Variants in SLC15A1 observed in about 807,000 individuals in gnomAD.
SLC15A1 encodes the protein Caco-2 oligopeptide transporter.
In SLC15A1, 83 loss-of-function variants were observed where a neutral mutation model predicts 92.9. The ratio of observed to expected loss-of-function variants is 0.89; its 90% confidence interval spans 0.75 to 1.07. The LOEUF (loss-of-function observed/expected upper bound fraction) is 1.07. Ranked by LOEUF, SLC15A1 falls within the 50% of genes least tolerant of loss-of-function variation. SLC15A1 has a pLI of 0.00. For synonymous variants in SLC15A1, 322 were observed against 318.2 expected (o/e 1.01, Z -0.13); for missense variants, 857 against 880.1 (o/e 0.97, Z 0.33).
intron 4 of SLC15A1, 92 bp downstream of exon 4, chr13:98,726,031 G>T: frequency 2.0e-6 from 3 of 1,479,980 alleles, no homozygotes; most frequent in Non-Finnish European, 2.7e-6. Flanking sequence ...TCTGTTCTTT[G>T]ATTCATCATT....
intron 19 of SLC15A1, 51 bp from the exon 20 acceptor site, chr13:98,688,407 C>G (rs771690657): frequency 2.5e-6 from 4 of 1,602,920 alleles, no homozygotes; most frequent in Non-Finnish European, 2.6e-6. Context: ...TTAAAAATTT[C>G]AATGCATTTT....
rs763037549 is a variant in SLC15A1, at chr13:98,704,387, T to C, written c.1318A>G (p.Ile440Val). 9 of 1,613,760 alleles carry C rather than the reference T, an allele frequency of 5.6e-6. No homozygotes were observed. Among genetic ancestry groups the C allele is most frequent in the Non-Finnish European group, 7.6e-6 (9 of 1,179,906 alleles). ...FDVNKLTRIN[I>V]SSPGSPVTAV... is the part of the protein sequence containing the mutation. ...GTGACTGGTGATCCAGGAGAAGAAA[T>C]GTTTATCCTTGTCAGTTTGTTTACA... The change falls in exon 17 of 23, where the codon ATT becomes GTT. Residue 440 changes from isoleucine (I) to valine (V), a missense_variant. Coordinates refer to ENST00000376503, the MANE Select transcript of SLC15A1 (RefSeq NM_005073.4).
chr13:98,709,548 C>G (rs371159252), intron 14 of SLC15A1, 24 bp downstream of exon 14: 1 of 1,610,406 alleles, frequency 6.2e-7, no homozygotes, highest in Admixed American at 1.7e-5. Flanking sequence ...GAGCCTCAAC[C>G]AACCCAACCC....
chr13:98,751,525 C>G (rs747116176), intron 1 of SLC15A1, among the ~76,000 whole-genome samples: 1 of 152,196 alleles, frequency 6.6e-6, no homozygotes, highest in Non-Finnish European at 1.5e-5. Context: ...AACTGCAGCC[C>G]AGGAATCTGC....
chr13:98,739,165 C>G (rs1158787216), intron 1 of SLC15A1, among the ~76,000 whole-genome samples: 1 of 152,236 alleles, frequency 6.6e-6, no homozygotes, highest in East Asian at 1.9e-4. Context: ...AATGCCTATA[C>G]TCCCATTGTA....
At chr13:98,706,952 C>T (rs550366905) in intron 15 of SLC15A1, among the ~76,000 whole-genome samples, 102 of 152,290 alleles carry the variant, frequency 6.7e-4, no homozygotes, top group Non-Finnish European at 1.2e-3. Context: ...CACCTGAGAT[C>T]TACCGTCACC....
intron 9 of SLC15A1, among the ~76,000 whole-genome samples, chr13:98,715,419 C>T (rs756879678): frequency 1.3e-4 from 20 of 152,224 alleles, no homozygotes; most frequent in Non-Finnish European, 2.1e-4. Context: ...GTGATCCGCC[C>T]GCCTAGGCCT....
Position 98,726,116 on chromosome 13 carries a change from C to G in SLC15A1, c.245+7G>C. 1 of 1,611,976 alleles carries G rather than the reference C, an allele frequency of 6.2e-7. No homozygotes were observed. Among genetic ancestry groups the G allele is most frequent in the Non-Finnish European group, 8.5e-7 (1 of 1,179,082 alleles). On this transcript the variant is annotated splice_region_variant and intron_variant, in intron 4 of 22. Coordinates refer to ENST00000376503, the MANE Select transcript of SLC15A1 (RefSeq NM_005073.4). ...TGTTTGTGAACAAGAAATTTCCAGC[C>G]ACTCACTTGAACTTTCCCAGCCACG...
intron 18 of SLC15A1, among the ~76,000 whole-genome samples, chr13:98,699,155 T>C (rs2088047188): frequency 6.6e-6 from 1 of 152,222 alleles, no homozygotes; most frequent in Non-Finnish European, 1.5e-5. Flanking sequence ...CTGGAGTTTT[T>C]GGCTTTCTGC....
Position 98,726,413 on chromosome 13 carries a change from C to T in SLC15A1, c.58G>A (p.Val20Met), listed in dbSNP as rs772104767. Residue 20 changes from valine to methionine, a missense_variant, in exon 3 of 23, where the codon GTG (valine) becomes ATG (methionine). By Grantham distance (21) the Val-to-Met change is conservative. Coordinates refer to ENST00000376503, the MANE Select transcript of SLC15A1 (RefSeq NM_005073.4). ...AATCTTTCGCAAAACTCATTGACCA[C>T]GATGAAGAAGATGCTCAGGGGATAA... ...FGYPLSIFFIVVNEFCERFSY... is the reference protein window; with the variant it reads ...FGYPLSIFFIMVNEFCERFSY... The T allele has an allele frequency of 4.2e-5, 67 of 1,613,942 alleles. No individual in the cohort carries two copies. Among genetic ancestry groups the T allele is most frequent in the South Asian group, 5.5e-5 (5 of 91,066 alleles).
At chr13:98,721,300 G>A (rs1286645031) in intron 7 of SLC15A1, 195 bp downstream of exon 7, 3 of 696,922 alleles carry the variant, frequency 4.3e-6, no homozygotes, top group Non-Finnish European at 8.1e-6. Context: ...ACTGGGATAA[G>A]GGATTTAAAT....
intron 1 of SLC15A1, among the ~76,000 whole-genome samples, chr13:98,749,932 C>A (rs2088528724): frequency 6.6e-6 from 1 of 152,194 alleles, no homozygotes; most frequent in Non-Finnish European, 1.5e-5. Flanking sequence ...TACGGCTGCT[C>A]TAGAACTGCA....
rs200210206 is a variant in SLC15A1, at chr13:98,726,141, G to T, written c.227C>A (p.Ser76Ter). The change falls in exon 4 of 23, where the codon TCG becomes TAG. Residue 76 changes from serine (S) to a stop codon, truncating the protein, a stop_gained. Coordinates refer to ENST00000376503, the MANE Select transcript of SLC15A1 (RefSeq NM_005073.4). LOFTEE classifies it high-confidence loss of function. ...TPILGALIAD[S>*]WLGKFKTIVS... Reference sequence around the variant, plus strand: ...CACTCACTTGAACTTTCCCAGCCACGAGTCGGCGATAAGAGCTCCGAGAAT... The same window carrying T: ...CACTCACTTGAACTTTCCCAGCCACTAGTCGGCGATAAGAGCTCCGAGAAT... 138 of 1,613,882 alleles carry T rather than the reference G, an allele frequency of 8.6e-5. No homozygotes were observed. Among genetic ancestry groups the T allele is most frequent in the Non-Finnish European group, 1.1e-4 (131 of 1,179,972 alleles).
At chr13:98,704,849 A>C (rs751944679) in intron 16 of SLC15A1, among the ~76,000 whole-genome samples, 1 of 152,186 alleles carries the variant, frequency 6.6e-6, no homozygotes, top group African/African-American at 2.4e-5. Flanking sequence ...ACAAGGTCTA[A>C]GGTTGTGGTG....
chr13:98,745,491 G>C (rs2088485167), intron 1 of SLC15A1, among the ~76,000 whole-genome samples: 1 of 152,150 alleles, frequency 6.6e-6, no homozygotes, highest in African/African-American at 2.4e-5. Flanking sequence ...CTAAGACCAG[G>C]TCATACTGGG....
At chr13:98,690,729 C>T (rs2087968200) in intron 18 of SLC15A1, among the ~76,000 whole-genome samples, 1 of 152,126 alleles carries the variant, frequency 6.6e-6, no homozygotes, top group Non-Finnish European at 1.5e-5. Context: ...ACGGTGCCAC[C>T]CACCACACAC....
intron 1 of SLC15A1, among the ~76,000 whole-genome samples, chr13:98,743,384 C>A (rs1383022085): frequency 6.6e-6 from 1 of 152,172 alleles, no homozygotes; most frequent in Non-Finnish European, 1.5e-5. Flanking sequence ...TTATAAATTA[C>A]CTACAACTTT....
rs1236316130 is a variant in SLC15A1, at chr13:98,718,329, T to C, written c.640+908A>G. 3.1e-4 allele frequency among the ~76,000 whole-genome samples: 20 copies of C among 65,468 alleles called. No individual in the cohort carries two copies. In the South Asian group the frequency reaches 7.2e-3, roughly 24 times the overall value. 42.9% of individuals were successfully genotyped at this position (65,468 alleles called of 152,430 possible). A position where few individuals can be genotyped will look rare whatever the true frequency, so the allele number is the denominator to read the frequency against. ...TTTTTTTTTTTTTTTTTTTTTTTTTTTTTTTTTTGAGACAGGGTCTTGCTC... is the reference window on the plus strand; with the variant it reads ...TTTTTTTTTTTTTTTTTTTTTTTTTCTTTTTTTTGAGACAGGGTCTTGCTC... On this transcript the variant is annotated intron_variant, in intron 8 of 22. Coordinates refer to ENST00000376503, the MANE Select transcript of SLC15A1 (RefSeq NM_005073.4).
At chr13:98,721,379 A>G (rs776653373) in intron 7 of SLC15A1, 116 bp downstream of exon 7, 13 of 761,330 alleles carry the variant, frequency 1.7e-5, no homozygotes, top group Non-Finnish European at 2.8e-5. Context: ...GCATCCCAGC[A>G]TGTAGCTGAC....
Sources: allele counts gnomAD v4.1 joint callset (sites outside exome capture counted in the v4.1 genomes callset), GRCh38; gene constraint gnomAD v4.1.1; transcripts MANE v1.5; gene names NCBI Gene and HGNC (gene_info 2026-07-23, HGNC 2026-07-21).